The following CLYBL variants were observed in gnomAD, a reference collection of about 807,000 sequenced individuals.
CLYBL encodes citramalyl-CoA lyase, mitochondrial.
In CLYBL, 31 loss-of-function variants were observed where a neutral mutation model predicts 38.9. The ratio of observed to expected loss-of-function variants is 0.80; its 90% CI spans 0.60 to 1.08. The LOEUF is 1.08. Among genes scored for constraint, CLYBL ranks in the 50% least tolerant of loss-of-function variants. CLYBL has a pLI of 0.00. For missense variants in CLYBL, 434 were observed against 411.6 expected, an observed-to-expected ratio of 1.05 and a Z score of -0.47; for synonymous variants, 171 against 158.6, an observed-to-expected ratio of 1.08 and a Z score of -0.59.
chr13:99,740,405 C>T (rs1300221456), intron 1 of CLYBL, among the ~76,000 whole-genome samples: 1 of 152,236 alleles, frequency 6.6e-6, no homozygotes, highest in Admixed American at 6.5e-5. Flanking sequence ...CACCCACTCA[C>T]TCGCTGGCTT....
chr13:99,702,662 A>C (rs1423298169), intron 1 of CLYBL, among the ~76,000 whole-genome samples: 5 of 152,118 alleles, frequency 3.3e-5, no homozygotes, highest in South Asian at 2.1e-4. Context: ...CTATTTAAAA[A>C]TGAAGGCTCA....
chr13:99,863,049 T>C lies in CLYBL; in HGVS notation c.497T>C (p.Leu166Ser). The C allele has an allele frequency of 6.2e-7, 1 of 1,610,684 alleles. No individual in the cohort carries two copies. Among genetic ancestry groups the C allele is most frequent in the South Asian group, 1.1e-5 (1 of 90,508 alleles). ...KGRKLEQPMNLIPFVETAMGL... is the reference protein window; with the variant it reads ...KGRKLEQPMNSIPFVETAMGL... ...CGAAAACTTGAACAACCAATGAATT[T>C]AATCCCTTTTGTGGAAACTGCAATG... The change falls in exon 4 of 9, where the codon TTA becomes TCA. Residue 166 changes from leucine (L) to serine (S), a missense_variant. Physicochemically the swap from Leu to Ser is moderately radical, Grantham distance 145. Coordinates refer to ENST00000339105, the MANE Select transcript of CLYBL (RefSeq NM_206808.5).
intron 4 of CLYBL, among the ~76,000 whole-genome samples, chr13:99,864,099 ATTTAAT>A (rs550269997): frequency 2.4e-4 from 36 of 152,348 alleles, no homozygotes; most frequent in African/African-American, 8.2e-4. Context: ...TCATCCAGTG[ATTTAAT>A]TTTAAGCACT....
chr13:99,606,781 G>T, intron 1 of CLYBL, 24 bp downstream of exon 1: 3 of 1,382,346 alleles, frequency 2.2e-6, no homozygotes, highest in Non-Finnish European at 2.8e-6. Flanking sequence ...CCCGTTCCCC[G>T]CCTTCCCGGC....
chr13:99,805,252 G>A (rs916714212), intron 2 of CLYBL, among the ~76,000 whole-genome samples: 19 of 152,266 alleles, frequency 1.2e-4, no homozygotes, highest in African/African-American at 4.1e-4. Context: ...TCGAGTCCCT[G>A]CTTTAATTCT....
chr13:99,669,297 C>T (rs77892939), intron 1 of CLYBL, among the ~76,000 whole-genome samples: 2,504 of 152,202 alleles, frequency 0.016, 72 homozygotes, highest in African/African-American at 0.057. Flanking sequence ...CTGCCGCGCC[C>T]GGCCAGGTCC....
At chr13:99,807,657 G>A (rs192724964) in intron 2 of CLYBL, among the ~76,000 whole-genome samples, 5 of 151,930 alleles carry the variant, frequency 3.3e-5, no homozygotes, top group South Asian at 2.1e-4. Context: ...TCCAGGGGCC[G>A]GGGGGGAAGG....
At chr13:99,771,961 G>A (rs574437947) in intron 1 of CLYBL, among the ~76,000 whole-genome samples, 26 of 152,302 alleles carry the variant, frequency 1.7e-4, no homozygotes, top group Non-Finnish European at 3.4e-4. Flanking sequence ...TAATTAAGTT[G>A]CCTACAATTA....
At chr13:99,685,690 G>T (rs376642003) in intron 1 of CLYBL, among the ~76,000 whole-genome samples, 7 of 152,134 alleles carry the variant, frequency 4.6e-5, no homozygotes, top group African/African-American at 1.7e-4. Context: ...GGCCGGGCAC[G>T]GTGGCTCAAG....
intron 1 of CLYBL, among the ~76,000 whole-genome samples, chr13:99,739,540 G>C (rs954585522): frequency 6.6e-6 from 1 of 152,218 alleles, no homozygotes; most frequent in African/African-American, 2.4e-5. Flanking sequence ...TGATGGTTTA[G>C]ATCTGAAATC....
At chr13:99,673,574 T>C (rs978516819) in intron 1 of CLYBL, among the ~76,000 whole-genome samples, 1 of 152,128 alleles carries the variant, frequency 6.6e-6, no homozygotes, top group Non-Finnish European at 1.5e-5. Flanking sequence ...TGAGGAAGAA[T>C]GGTCTAGGTA....
chr13:99,812,793 G>A (rs1236244974), intron 2 of CLYBL, among the ~76,000 whole-genome samples: 2 of 152,188 alleles, frequency 1.3e-5, no homozygotes, highest in African/African-American at 4.8e-5. Flanking sequence ...AGATCCTTGG[G>A]TGCTGAGTGA....
chr13:99,610,029 A>G (rs989050013), intron 1 of CLYBL, among the ~76,000 whole-genome samples: 2 of 152,186 alleles, frequency 1.3e-5, no homozygotes, highest in African/African-American at 4.8e-5. Flanking sequence ...CAGCCTCCCC[A>G]GTAGCTGGGA....
At chr13:99,847,301 A>G (rs140897248) in intron 2 of CLYBL, among the ~76,000 whole-genome samples, 3 of 152,286 alleles carry the variant, frequency 2.0e-5, no homozygotes, top group East Asian at 3.9e-4. Context: ...TCATCCTCAT[A>G]ATGAAGAAAG....
At chr13:99,616,732 G>A (rs959468345) in intron 1 of CLYBL, among the ~76,000 whole-genome samples, 4 of 152,154 alleles carry the variant, frequency 2.6e-5, no homozygotes, top group Admixed American at 6.5e-5. Flanking sequence ...GAAGTGGACC[G>A]ATCACTTGAG....
At chr13:99,706,819 T>C (rs1035348116) in intron 1 of CLYBL, among the ~76,000 whole-genome samples, 18 of 152,210 alleles carry the variant, frequency 1.2e-4, no homozygotes, top group African/African-American at 4.8e-5. Flanking sequence ...TTTTTATTTA[T>C]TTTTTAGAGA....
At chr13:99,660,996 T>C (rs1186001553) in intron 1 of CLYBL, among the ~76,000 whole-genome samples, 1 of 152,204 alleles carries the variant, frequency 6.6e-6, no homozygotes, top group Admixed American at 6.5e-5. Context: ...TTTTTCACTT[T>C]AAATGAAAAA....
At chr13:99,830,825 G>C (rs1394714634) in intron 2 of CLYBL, among the ~76,000 whole-genome samples, 1 of 152,214 alleles carries the variant, frequency 6.6e-6, no homozygotes, top group East Asian at 1.9e-4. Context: ...GCATTGAAAA[G>C]ATAAGTCCAT....
intron 1 of CLYBL, among the ~76,000 whole-genome samples, chr13:99,607,585 G>GCACATAC (rs2046547856): frequency 6.6e-6 from 1 of 152,094 alleles, no homozygotes; most frequent in South Asian, 2.1e-4. Context: ...GGTCTCATTT[G>GCACATAC]GTTCCCTTGA....
Sources: allele counts gnomAD v4.1 joint callset (sites outside exome capture counted in the v4.1 genomes callset), GRCh38; gene constraint gnomAD v4.1.1; transcripts MANE v1.5; gene names NCBI Gene and HGNC (gene_info 2026-07-23, HGNC 2026-07-21).